ZNF480: variants seen among roughly 807,000 people sequenced by gnomAD.
ZNF480 encodes zinc finger protein 480.
Under a neutral mutation model 14.4 loss-of-function variants are expected in ZNF480, and 15 were observed. The observed-to-expected ratio is 1.04, with a 90% CI of 0.70 to 1.60. The LOEUF (loss-of-function observed/expected upper bound fraction) is 1.60, where lower values mean the gene tolerates loss of function less well. Among genes scored for constraint, ZNF480 ranks in the 40% most tolerant of loss-of-function variants. The pLI is 0.00. For synonymous variants in ZNF480, 218 were observed against 215.5 expected (o/e 1.01, Z -0.10); for missense variants, 593 against 629.7 (o/e 0.94, Z 0.62).
intron 3 of ZNF480, 104 bp downstream of exon 3, chr19:52,314,383 G>C: frequency 1.8e-6 from 2 of 1,128,800 alleles, no homozygotes; most frequent in Non-Finnish European, 2.3e-6. Flanking sequence ...CTGACATTAA[G>C]CAGGAGAATC....
At chr19:52,321,301 C>T (rs575372637) in intron 4 of ZNF480, among the ~76,000 whole-genome samples, 2 of 152,166 alleles carry the variant, frequency 1.3e-5, no homozygotes, top group East Asian at 3.9e-4. Flanking sequence ...AGAGACTTGT[C>T]CCTTCTTTTT....
chr19:52,299,624 T>G (rs188115557), intron 1 of ZNF480, among the ~76,000 whole-genome samples: 9 of 152,324 alleles, frequency 5.9e-5, no homozygotes, highest in African/African-American at 2.2e-4. Context: ...TACAGATGAC[T>G]AGCCCGATGG....
At position 52,321,787 on chromosome 19, in the gene ZNF480, T is replaced by G. The variant is rs556955800; in HGVS notation, c.537T>G (p.Phe179Leu). 6.2e-7 allele frequency: 1 copy of G among 1,613,604 alleles called. No homozygotes were observed. The highest frequency in any genetic ancestry group is 1.1e-5 in the South Asian group (1 of 91,004). The change falls in exon 5 of 5, where the codon TTT (phenylalanine) becomes TTG (leucine). Residue 179 changes from phenylalanine (F) to leucine (L), a missense_variant. Coordinates refer to ENST00000595962, the MANE Select transcript of ZNF480 (RefSeq NM_144684.4). The stretch of plus-strand genomic sequence containing the variant: ...CTTCCAGTGTCAAAACCCCCATTTT[T>G]AATAGGAATGATTTTGATGATTCTT... The part of the protein sequence containing the change: ...EMSSSVKTPI[F>L]NRNDFDDSSF...
intron 2 of ZNF480, among the ~76,000 whole-genome samples, chr19:52,309,301 C>G (rs916464379): frequency 1.3e-5 from 2 of 152,178 alleles, no homozygotes; most frequent in Non-Finnish European, 2.9e-5. Context: ...GATGTGTCCT[C>G]TCTGGGCTTT....
intron 4 of ZNF480, among the ~76,000 whole-genome samples, chr19:52,319,813 T>TG (rs1455802878): frequency 1.2e-4 from 7 of 60,612 alleles, no homozygotes; most frequent in African/African-American, 4.4e-4. Context: ...GATACTGTGT[T>TG]TTTTTTTTTT....
intron 3 of ZNF480, among the ~76,000 whole-genome samples, chr19:52,314,886 T>C (rs1403184797): frequency 6.6e-6 from 1 of 152,154 alleles, no homozygotes. Context: ...TTTCTGGAGT[T>C]GAAATGTCCT....
intron 1 of ZNF480, 107 bp downstream of exon 1, chr19:52,297,330 T>C: frequency 7.6e-6 from 3 of 393,504 alleles, no homozygotes; most frequent in Admixed American, 6.2e-5. Flanking sequence ...CACCGCTCCC[T>C]CTACCCCGAC....
intron 4 of ZNF480, among the ~76,000 whole-genome samples, chr19:52,319,292 C>G (rs1350685072): frequency 1.3e-5 from 2 of 152,152 alleles, no homozygotes; most frequent in Admixed American, 6.6e-5. Context: ...TAGTAATGAA[C>G]TTTCTTAGCT....
chr19:52,314,339 T>C (rs2122545977), intron 3 of ZNF480, 60 bp downstream of exon 3: 3 of 1,414,758 alleles, frequency 2.1e-6, no homozygotes, highest in East Asian at 5.9e-5. Context: ...GCATTTTCCC[T>C]TGTGTGCCTC....
chr19:52,317,127 C>G (rs902419797), intron 4 of ZNF480, among the ~76,000 whole-genome samples: 6 of 152,098 alleles, frequency 3.9e-5, no homozygotes, highest in Admixed American at 2.0e-4. Context: ...AAGCGATTCT[C>G]CTGCCTCAGC....
Position 52,322,088 on chromosome 19 carries a change from A to T in ZNF480, c.838A>T (p.Ile280Phe). 1 of 1,614,084 alleles carries T rather than the reference A, an allele frequency of 6.2e-7. No individual in the cohort carries two copies. Among genetic ancestry groups the T allele is most frequent in the Non-Finnish European group, 8.5e-7 (1 of 1,179,988 alleles). Residue 280 changes from isoleucine to phenylalanine, a missense_variant, in exon 5 of 5, where the codon ATT becomes TTT. Coordinates refer to ENST00000595962, the MANE Select transcript of ZNF480 (RefSeq NM_144684.4). Reference protein sequence around the residue: ...YNSNFARHQRIHTREKPYECN... With the variant: ...YNSNFARHQRFHTREKPYECN... ...TTCAAACTTTGCACGACATCAAAGA[A>T]TTCATACCAGAGAGAAGCCGTATGA...
At chr19:52,308,393 G>C (rs560393671) in intron 2 of ZNF480, among the ~76,000 whole-genome samples, 5 of 142,610 alleles carry the variant, frequency 3.5e-5, no homozygotes, top group African/African-American at 1.3e-4. Flanking sequence ...TACAACTTCT[G>C]TCTCCCTGGT....
Position 52,322,541 on chromosome 19 carries a change from G to GA in ZNF480, c.1293dup (p.Cys432MetfsTer3), listed in dbSNP as rs746432932. 3 of 1,614,080 alleles carry GA rather than the reference G, an allele frequency of 1.9e-6. No individual in the cohort carries two copies. The highest frequency in any genetic ancestry group is 2.7e-5 in the African/African-American group (2 of 75,020). ...TGGAGAGAAGCCTTACAAATGTAAT[G>GA]AATGTGGTAAAGCATTTAGTGAGTA... On this transcript the variant is annotated frameshift_variant, in exon 5 of 5. Coordinates refer to ENST00000595962, the MANE Select transcript of ZNF480 (RefSeq NM_144684.4). LOFTEE classifies it low-confidence loss of function (END_TRUNC).
chr19:52,298,080 C>T (rs906015261), intron 1 of ZNF480, among the ~76,000 whole-genome samples: 2 of 150,090 alleles, frequency 1.3e-5, no homozygotes, highest in Non-Finnish European at 2.9e-5. Flanking sequence ...AGATGAAGGA[C>T]AGCAAGATAG....
chr19:52,315,863 T>C lies in ZNF480; in HGVS notation c.229T>C (p.Ser77Pro), dbSNP rs762641192. 17 of 1,612,828 alleles carry C rather than the reference T, an allele frequency of 1.1e-5. No individual in the cohort carries two copies. Among genetic ancestry groups the C allele is most frequent in the Non-Finnish European group, 1.4e-5 (17 of 1,179,206 alleles). Reference protein sequence around the residue: ...GISLPDLNINSMLEQRREPWS... With the variant: ...GISLPDLNINPMLEQRREPWS... The stretch of plus-strand genomic sequence containing the variant: ...CTCTCTTCCTGACCTGAATATTAAC[T>C]CCATGTTGGAGCAAAGGAGGGAGCC... The change falls in exon 4 of 5, where the codon TCC becomes CCC. Residue 77 changes from serine to proline, a missense_variant. Transcript: ENST00000595962.
In ZNF480 at chr19:52,308,307, CT is replaced by C. The variant is rs146136889; in HGVS notation, c.73-5829del. Among the ~76,000 whole-genome samples, 309 of 128,150 alleles carry C rather than the reference CT, an allele frequency of 2.4e-3. 1 individual carries two copies. The highest frequency in any genetic ancestry group is 7.0e-3 in the African/African-American group (239 of 34,218). 84.1% of individuals were successfully genotyped at this position (128,150 alleles called of 152,430 possible). A position where few individuals can be genotyped will look rare whatever the true frequency, so the allele number is the denominator to read the frequency against. On this transcript the variant is annotated intron_variant, in intron 2 of 4. Coordinates refer to ENST00000595962, the MANE Select transcript of ZNF480 (RefSeq NM_144684.4). ...ACGTTTTCTGCTTGATTTTTTTCTT[CT>C]TTTTTTTTTTTTTTTTGAGACCGAG...
At chr19:52,309,057 G>A (rs974877665) in intron 2 of ZNF480, among the ~76,000 whole-genome samples, 1 of 152,142 alleles carries the variant, frequency 6.6e-6, no homozygotes, top group Admixed American at 6.5e-5. Flanking sequence ...GTGAGAGCAA[G>A]TCCTGTAGAA....
At chr19:52,320,455 C>G (rs1405328976) in intron 4 of ZNF480, among the ~76,000 whole-genome samples, 1 of 152,122 alleles carries the variant, frequency 6.6e-6, no homozygotes, top group African/African-American at 2.4e-5. Flanking sequence ...GAGTTCGAGA[C>G]CAGTCTAGGC....
rs1022476733 is a variant in ZNF480, at chr19:52,324,502, G to C, written c.*1644G>C. ...GCAAAAGCAATCCTAAGCAAAAAGA[G>C]CAATGTTTGAGGTATCACACTACCC... On this transcript the variant is annotated 3_prime_UTR_variant, in exon 5 of 5. Transcript: ENST00000595962. 6.6e-6 allele frequency: 1 copy of C among 152,174 alleles called. No individual in the cohort carries two copies. Among genetic ancestry groups the C allele is most frequent in the Admixed American group, 6.5e-5 (1 of 15,270 alleles). The allele number at this position is 152,174 out of a possible 1,614,324, so 9.4% of individuals were successfully genotyped here. A position where few individuals can be genotyped will look rare whatever the true frequency, so the allele number is the denominator to read the frequency against.
Sources: gnomAD v4.1 joint callset for allele counts (sites outside exome capture counted in the v4.1 genomes callset) on GRCh38, gnomAD v4.1.1 for gene constraint, MANE v1.5 for transcripts, NCBI Gene and HGNC (gene_info 2026-07-23, HGNC 2026-07-21) for gene names.